EPHA10: variants seen among roughly 807,000 people sequenced by gnomAD.
The protein encoded by EPHA10 is EPH receptor A10, also known as ephrin type-A receptor 10.
A neutral mutation model predicts 109.7 loss-of-function variants in EPHA10; 120 were observed. That is an observed-to-expected ratio of 1.09 (90% CI 0.94 to 1.27). The LOEUF (loss-of-function observed/expected upper bound fraction) is 1.27, where lower values mean the gene tolerates loss of function less well. Among genes scored for constraint, EPHA10 ranks in the 50% most tolerant of loss-of-function variants. The probability of loss-of-function intolerance (pLI) is 0.00; values close to 1 mark genes in which losing one functional copy is unlikely to be tolerated. For synonymous variants in EPHA10, 640 were observed against 618.9 expected, an observed-to-expected ratio of 1.03 and a Z score of -0.51; for missense variants, 1,396 against 1,411.1, an observed-to-expected ratio of 0.99 and a Z score of 0.17.
chr1:37,729,457 C>A (rs1436969191), intron 7 of EPHA10, among the ~76,000 whole-genome samples: 1 of 152,160 alleles, frequency 6.6e-6, no homozygotes, highest in Non-Finnish European at 1.5e-5. Flanking sequence ...CATGGTGGCT[C>A]ACACCTGTAA....
rs770820031 is a variant in EPHA10, at chr1:37,762,049, C to T, written c.206G>A (p.Arg69His). The T allele has an allele frequency of 4.4e-6, 7 of 1,603,172 alleles. No homozygotes were observed. Among genetic ancestry groups the T allele is most frequent in the Admixed American group, 3.4e-5 (2 of 59,022 alleles). The change falls in exon 3 of 17, where the codon CGT (arginine) becomes CAT (histidine). Residue 69 changes from arginine to histidine, a missense_variant. Physicochemically the swap from Arg to His is conservative, Grantham distance 29 (BLOSUM62 0). Coordinates refer to ENST00000373048, the MANE Select transcript of EPHA10 (RefSeq NM_001099439.2). ...EEISGVDEHD[R>H]PIRTYQVCNV... ...GCACACTTGGTACGTGCGGATGGGA[C>T]GGTCGTGTTCATCCACGCCGCTGAT... is the stretch of plus-strand genomic sequence containing the variant.
In EPHA10 at chr1:37,719,569, G is replaced by A. The variant is rs760160351; in HGVS notation, c.2601C>T (p.Pro867=). The A allele has an allele frequency of 2.5e-6, 4 of 1,613,852 alleles. No homozygotes were observed. In the African/African-American group the frequency reaches 4.0e-5, roughly 16 times the overall value. The stretch of plus-strand genomic sequence containing the variant: ...GCAGAAGGTTAGGACAGTTCCTGGG[G>A]GGTGGCAGCCGGAAGCCATCCTCCA... ...KAVEDGFRLP[P]PRNCPNLLHR... is the part of the protein sequence containing the mutation. Residue 867 remains proline (P), a synonymous_variant, in exon 15 of 17, where the codon CCC becomes CCT. Transcript: ENST00000373048.
Position 37,753,156 on chromosome 1 carries a change from C to T in EPHA10, c.1077G>A (p.Trp359Ter), listed in dbSNP as rs1295780109. Residue 359 changes from tryptophan to a stop codon, truncating the protein, a stop_gained, in exon 5 of 17, where the codon TGG (tryptophan) becomes TGA (stop). Coordinates refer to ENST00000373048, the MANE Select transcript of EPHA10 (RefSeq NM_001099439.2). LOFTEE classifies it high-confidence loss of function. ...SRSPLVLRLR[W>*]LPPADSGGRS... Reference sequence around the variant, plus strand: ...GGCCTCCCGAGTCGGCCGGCGGCAGCCAGCGCAGTCGCAGCACCAGCGGCG... The same window carrying T: ...GGCCTCCCGAGTCGGCCGGCGGCAGTCAGCGCAGTCGCAGCACCAGCGGCG... 7.1e-7 allele frequency: 1 copy of T among 1,408,682 alleles called. No individual in the cohort carries two copies. Among genetic ancestry groups the T allele is most frequent in the Non-Finnish European group, 9.2e-7 (1 of 1,081,678 alleles). 87.3% of individuals were successfully genotyped at this position (1,408,682 alleles called of 1,614,324 possible). A position where few individuals can be genotyped will look rare whatever the true frequency, so the allele number is the denominator to read the frequency against.
chr1:37,758,664 T>G (rs1646409166), intron 3 of EPHA10, among the ~76,000 whole-genome samples: 1 of 152,226 alleles, frequency 6.6e-6, no homozygotes, highest in African/African-American at 2.4e-5. Flanking sequence ...GCTCTGTATT[T>G]TCTACTTGTC....
intron 13 of EPHA10, 83 bp from the exon 14 acceptor site, chr1:37,720,141 T>C (rs763518272): frequency 6.5e-7 from 1 of 1,549,260 alleles, no homozygotes; most frequent in Admixed American, 1.9e-5. Flanking sequence ...AGATCCAGCC[T>C]GCATGTCATC....
chr1:37,760,238 T>A, intron 3 of EPHA10: 1 of 1,013,278 alleles, frequency 9.9e-7, no homozygotes, highest in Non-Finnish European at 1.2e-6. Context: ...GTCTGACTCA[T>A]TTCTGTTGCC....
chr1:37,723,734 G>T (rs967311128), intron 8 of EPHA10, among the ~76,000 whole-genome samples: 41 of 152,256 alleles, frequency 2.7e-4, no homozygotes, highest in African/African-American at 9.9e-4. Flanking sequence ...GCACTCGGGG[G>T]CAGCTTCTGG....
Position 37,754,734 on chromosome 1 carries a change from C to G in EPHA10, c.851-364G>C, listed in dbSNP as rs905728582. 6.6e-6 allele frequency among the ~76,000 whole-genome samples: 1 copy of G among 152,152 alleles called. No individual in the cohort carries two copies. Among genetic ancestry groups the G allele is most frequent in the Non-Finnish European group, 1.5e-5 (1 of 68,034 alleles). ...CTATTTATTATTTTTTAAATTACGT[C>G]TATTAATTCATTGAATCCTCACAAC... is the stretch of plus-strand genomic sequence containing the variant. On this transcript the variant is annotated intron_variant, in intron 3 of 16. Transcript: ENST00000373048. This position sits in a 1 kb window ranked among gnomAD's most constrained non-coding sequence, Gnocchi z 4.5.
Position 37,762,030 on chromosome 1 carries a change from T to C in EPHA10, c.225A>G (p.Gln75=), listed in dbSNP as rs1190629860. Residue 75 remains glutamine, a synonymous_variant, in exon 3 of 17, where the codon CAA becomes CAG. Coordinates refer to ENST00000373048, the MANE Select transcript of EPHA10 (RefSeq NM_001099439.2). Reference sequence around the variant, plus strand: ...GGTTGGGCTCCAGCACATTGCACACTTGGTACGTGCGGATGGGACGGTCGT... The same window carrying C: ...GGTTGGGCTCCAGCACATTGCACACCTGGTACGTGCGGATGGGACGGTCGT... ...DEHDRPIRTY[Q]VCNVLEPNQD... 6.2e-7 allele frequency: 1 copy of C among 1,612,980 alleles called. No homozygotes were observed. Among genetic ancestry groups the C allele is most frequent in the African/African-American group, 1.3e-5 (1 of 74,928 alleles).
In EPHA10 at chr1:37,720,351, C is replaced by T. The variant is rs777457353; in HGVS notation, c.2412G>A (p.Met804Ile). 1.2e-6 allele frequency: 2 copies of T among 1,602,498 alleles called. No individual in the cohort carries two copies. Among genetic ancestry groups the T allele is most frequent in the East Asian group, 4.5e-5 (2 of 44,322 alleles). Residue 804 changes from methionine to isoleucine, a missense_variant and splice_region_variant, in exon 13 of 17, where the codon ATG becomes ATA. Transcript: ENST00000373048. ...RDRSEAVYTT[M>I]SGRSPALWAA... ...CAGGCTTGGCTGGGGGCGCCCTCACCATAGTGGTGTAGACAGCCTCTGATC... is the reference window on the plus strand; with the variant it reads ...CAGGCTTGGCTGGGGGCGCCCTCACTATAGTGGTGTAGACAGCCTCTGATC...
At chr1:37,760,417 C>A in intron 3 of EPHA10, 1 of 1,055,972 alleles carries the variant, frequency 9.5e-7, no homozygotes, top group East Asian at 5.3e-5. Flanking sequence ...CCCAGCAAAA[C>A]CCTCAACATG....
At chr1:37,732,912 CAG>C (rs1292226805) in intron 6 of EPHA10, among the ~76,000 whole-genome samples, 1 of 56,990 alleles carries the variant, frequency 1.8e-5, no homozygotes, top group Non-Finnish European at 3.1e-5. Flanking sequence ...TTTTTTGAGG[CAG>C]AGTCTTGCTG....
chr1:37,762,330 A>G (rs959820608), intron 2 of EPHA10, among the ~76,000 whole-genome samples: 3 of 152,148 alleles, frequency 2.0e-5, no homozygotes, highest in Admixed American at 2.0e-4. Context: ...GGAGCTAGGA[A>G]TGGTGCCTGT....
chr1:37,731,476 G>A lies in EPHA10; in HGVS notation c.1598C>T (p.Ser533Phe). ...CTGGGCCTCCCAGGATGGCCCCGGGGAAGCGGCCCGGATCTGAAAGACGTA... is the reference window on the plus strand; with the variant it reads ...CTGGGCCTCCCAGGATGGCCCCGGGAAAGCGGCCCGGATCTGAAAGACGTA... ...TRYVFQIRAA[S>F]PGPSWEAQSF... Residue 533 changes from serine (S) to phenylalanine (F), a missense_variant, in exon 7 of 17, where the codon TCC becomes TTC. Ser to Phe is a radical substitution (Grantham distance 155). Transcript: ENST00000373048. 6.2e-7 allele frequency: 1 copy of A among 1,614,000 alleles called. No individual in the cohort carries two copies. The highest frequency in any genetic ancestry group is 8.5e-7 in the Non-Finnish European group (1 of 1,179,964).
intron 5 of EPHA10, among the ~76,000 whole-genome samples, chr1:37,749,906 C>T (rs1039654771): frequency 2.6e-5 from 4 of 152,190 alleles, no homozygotes; most frequent in African/African-American, 4.8e-5. Flanking sequence ...CTGAATACTA[C>T]AGGCAACTGT....
rs1402958107 is a variant in EPHA10, at chr1:37,753,138, C to G, written c.1095G>C (p.Ser365=). The change falls in exon 5 of 17, where the codon TCG becomes TCC. Residue 365 remains serine (S), a synonymous_variant. Coordinates refer to ENST00000373048, the MANE Select transcript of EPHA10 (RefSeq NM_001099439.2). The stretch of plus-strand genomic sequence containing the variant: ...AGTAGGTGACGTCCGAGCGGCCTCC[C>G]GAGTCGGCCGGCGGCAGCCAGCGCA... The part of the protein sequence containing the change: ...LRLRWLPPAD[S]GGRSDVTYSL... 9.9e-6 allele frequency: 14 copies of G among 1,407,196 alleles called. No homozygotes were observed. The highest frequency in any genetic ancestry group is 1.2e-5 in the Non-Finnish European group (13 of 1,080,376). 87.2% of individuals were successfully genotyped at this position (1,407,196 alleles called of 1,614,324 possible).
At chr1:37,727,896 A>G (rs1420251019) in intron 7 of EPHA10, among the ~76,000 whole-genome samples, 1 of 152,192 alleles carries the variant, frequency 6.6e-6, no homozygotes, top group Non-Finnish European at 1.5e-5. Flanking sequence ...TCATCGATCT[A>G]TCCAATCAAC....
intron 7 of EPHA10, among the ~76,000 whole-genome samples, chr1:37,731,022 A>G (rs1427867100): frequency 2.0e-5 from 3 of 152,078 alleles, no homozygotes; most frequent in Admixed American, 6.5e-5. Flanking sequence ...TATCACTGCA[A>G]TGCAACCCCT....
chr1:37,722,278 TG>T (rs1220095183), intron 10 of EPHA10: 6 of 248,260 alleles, frequency 2.4e-5, no homozygotes, highest in East Asian at 1.2e-4. Flanking sequence ...CCTTCCTCAG[TG>T]GGGGGAGGTT....
Sources: allele counts gnomAD v4.1 joint callset (sites outside exome capture counted in the v4.1 genomes callset), GRCh38; gene constraint gnomAD v4.1.1; non-coding constraint Gnocchi (gnomAD v3.1); transcripts MANE v1.5; gene names NCBI Gene and HGNC (gene_info 2026-07-23, HGNC 2026-07-21).